TTLL3: variants seen among roughly 807,000 people sequenced by gnomAD.
TTLL3 encodes the protein tubulin monoglycylase TTLL3.
In TTLL3, 63 loss-of-function variants were observed where a neutral mutation model predicts 75.2. That is an observed-to-expected ratio of 0.84 (90% CI 0.68 to 1.03). TTLL3 has a LOEUF of 1.03. Among genes scored for constraint, TTLL3 ranks in the 50% least tolerant of loss-of-function variants. The pLI, the probability that TTLL3 is intolerant of heterozygous loss-of-function variation, is 0.00. For synonymous variants in TTLL3, 393 were observed against 418.5 expected (o/e 0.94, Z 0.74); for missense variants, 997 against 1,069.9 (o/e 0.93, Z 0.95).
chr3:9,811,276 C>G (rs1414789448), intron 2 of TTLL3, among the ~76,000 whole-genome samples: 1 of 152,158 alleles, frequency 6.6e-6, no homozygotes, highest in Admixed American at 6.5e-5. Flanking sequence ...TCATCTACAC[C>G]CAGAAAACTT....
rs1309001028 is a variant in TTLL3, at chr3:9,829,112, T to C, written c.1400T>C (p.Ile467Thr). The change falls in exon 11 of 14, where the codon ATC becomes ACC. Residue 467 changes from isoleucine to threonine, a missense_variant. Ile to Thr is a moderately conservative substitution (Grantham distance 89). Coordinates refer to ENST00000685419, the MANE Select transcript of TTLL3 (RefSeq NM_001387446.1). ...MGAPNAWSTI[I>T]VPGMKDAVIH... ...GCCCCAAATGCTTGGTCCACCATCA[T>C]CGTGCCTGGCATGAAGGATGCTGTG... The C allele has an allele frequency of 3.1e-6, 5 of 1,614,246 alleles. No individual in the cohort carries two copies. The highest frequency in any genetic ancestry group is 4.2e-6 in the Non-Finnish European group (5 of 1,180,050).
In TTLL3 at chr3:9,818,839, G is replaced by A. The variant is rs762688352; in HGVS notation, c.577G>A (p.Ala193Thr). The change falls in exon 7 of 14, where the codon GCT (alanine) becomes ACT (threonine). Residue 193 changes from alanine (A) to threonine (T), a missense_variant. Coordinates refer to ENST00000685419, the MANE Select transcript of TTLL3 (RefSeq NM_001387446.1). ...KAFIEDFWLT[A>T]ARNVLKLVVK... ...GGGAGCAGAGGACTTCTGGCTGACT[G>A]CTGCCCGCAACGTTCTCAAGCTGGT... The A allele has an allele frequency of 2.5e-6, 4 of 1,614,138 alleles. No homozygotes were observed. Among genetic ancestry groups the A allele is most frequent in the East Asian group, 2.2e-5 (1 of 44,874 alleles).
chr3:9,824,957 T>A (rs1277677956), intron 8 of TTLL3, among the ~76,000 whole-genome samples: 1 of 150,224 alleles, frequency 6.7e-6, no homozygotes, highest in Non-Finnish European at 1.5e-5. Flanking sequence ...GCCAGGCTGT[T>A]CTCGAACTCC....
intron 4 of TTLL3, among the ~76,000 whole-genome samples, chr3:9,814,254 T>C (rs1210799277): frequency 6.6e-6 from 1 of 152,162 alleles, no homozygotes; most frequent in Admixed American, 6.6e-5. Flanking sequence ...GAGAATCACT[T>C]GAACCCAGGA....
At chr3:9,823,021 G>A (rs1426433541) in intron 8 of TTLL3, among the ~76,000 whole-genome samples, 2 of 149,084 alleles carry the variant, frequency 1.3e-5, no homozygotes, top group Non-Finnish European at 3.0e-5. Context: ...CAAGGCTGGC[G>A]GATCATGAAG....
intron 9 of TTLL3, among the ~76,000 whole-genome samples, 166 bp from the exon 10 acceptor site, chr3:9,826,831 T>G (rs2081090881): frequency 6.6e-6 from 1 of 152,158 alleles, no homozygotes; most frequent in Non-Finnish European, 1.5e-5. Flanking sequence ...TTTAAAATCC[T>G]TAGCAAATTC....
intron 6 of TTLL3, chr3:9,818,542 GT>G: frequency 2.9e-6 from 2 of 689,282 alleles, no homozygotes; most frequent in African/African-American, 3.8e-5. Flanking sequence ...CTAATTTTTT[GT>G]ATTTTTAGTA....
At chr3:9,824,737 C>CTTTTTT (rs71052207) in intron 8 of TTLL3, among the ~76,000 whole-genome samples, 134 of 80,680 alleles carry the variant, frequency 1.7e-3, no homozygotes, top group Non-Finnish European at 2.2e-3. Flanking sequence ...CTTTTCTTTT[C>CTTTTTT]TTTTTTTTTT....
At chr3:9,820,084 C>T in intron 7 of TTLL3, 1 of 994,234 alleles carries the variant, frequency 1.0e-6, no homozygotes, top group Non-Finnish European at 1.2e-6. Context: ...GTTAGTGTTT[C>T]TGTGGGCTAA....
rs145004506 is a variant in TTLL3, at chr3:9,834,765, G to A, written c.1910G>A (p.Arg637Gln). Reference protein sequence around the residue: ...VLRHQGQVLRRQHSKLVGTKA... With the variant: ...VLRHQGQVLRQQHSKLVGTKA... Reference sequence around the variant, plus strand: ...CGACACCAGGGCCAGGTCCTCAGACGACAGCACAGCAAGCTGGTGGGCACT... The same window carrying A: ...CGACACCAGGGCCAGGTCCTCAGACAACAGCACAGCAAGCTGGTGGGCACT... Residue 637 changes from arginine to glutamine, a missense_variant, in exon 13 of 14, where the codon CGA becomes CAA. Arg to Gln is a conservative substitution (Grantham distance 43). Transcript: ENST00000685419. 102 of 1,614,192 alleles carry A rather than the reference G, an allele frequency of 6.3e-5. No homozygotes were observed. Among genetic ancestry groups the A allele is most frequent in the Non-Finnish European group, 8.1e-5 (96 of 1,180,038 alleles).
intron 12 of TTLL3, among the ~76,000 whole-genome samples, chr3:9,833,532 C>G (rs1324865712): frequency 6.6e-6 from 1 of 152,144 alleles, no homozygotes; most frequent in Non-Finnish European, 1.5e-5. Context: ...ACCCCCGGGC[C>G]CTGGGTAAGA....
In TTLL3 at chr3:9,815,219, C is replaced by T. The variant is rs142444285; in HGVS notation, c.316-855C>T. Among the ~76,000 whole-genome samples, 916 of 138,522 alleles carry T rather than the reference C, an allele frequency of 6.6e-3. 3 individuals carry two copies. The highest frequency in any genetic ancestry group is 0.011 in the Admixed American group (145 of 13,274). The allele number at this position is 138,522 out of a possible 152,430, so 90.9% of individuals were successfully genotyped here. A position where few individuals can be genotyped will look rare whatever the true frequency, so the allele number is the denominator to read the frequency against. On this transcript the variant is annotated intron_variant, in intron 4 of 13. Transcript: ENST00000685419. ...TCACGCCACTGCACTCCAGCCTGGG[C>T]GACAAGAGTCAGACTCCATCTCAAA...
Position 9,817,642 on chromosome 3 carries a change from T to C in TTLL3, c.445-3T>C, listed in dbSNP as rs768725191. 3 of 1,614,016 alleles carry C rather than the reference T, an allele frequency of 1.9e-6. No homozygotes were observed. Among genetic ancestry groups the C allele is most frequent in the Non-Finnish European group, 2.5e-6 (3 of 1,180,018 alleles). ...CCTGCCCTCTCAGTGGCTAACTCCG[T>C]AGGTGGGTCTATGTCTCAATCTCCG... On this transcript the variant is annotated splice_region_variant and splice_polypyrimidine_tract_variant and intron_variant, in intron 5 of 13. Transcript: ENST00000685419.
chr3:9,827,688 C>G (rs1027013818), intron 10 of TTLL3: 1 of 213,882 alleles, frequency 4.7e-6, no homozygotes, highest in African/African-American at 2.3e-5. Context: ...ATGCCTGGCC[C>G]CTCCAACAGA....
chr3:9,827,543 C>T (rs1208642077), intron 10 of TTLL3: 2 of 350,568 alleles, frequency 5.7e-6, no homozygotes, highest in African/African-American at 4.2e-5. Flanking sequence ...TCTGAGACCA[C>T]AGGCATGTAC....
At chr3:9,827,301 C>T (rs2081133049) in intron 10 of TTLL3, 61 bp downstream of exon 10, 2 of 1,591,126 alleles carry the variant, frequency 1.3e-6, no homozygotes, top group Non-Finnish European at 1.7e-6. Context: ...GGCAAGCAAA[C>T]AGGCGATTAC....
chr3:9,829,688 T>C (rs957113649), intron 11 of TTLL3, among the ~76,000 whole-genome samples: 8 of 152,162 alleles, frequency 5.3e-5, no homozygotes, highest in Non-Finnish European at 1.2e-4. Context: ...GGAATCTCCT[T>C]GGGTTCAAAT....
intron 2 of TTLL3, among the ~76,000 whole-genome samples, chr3:9,812,505 G>A (rs892019945): frequency 3.3e-5 from 5 of 150,874 alleles, no homozygotes; most frequent in African/African-American, 7.3e-5. Context: ...GCAAGACTCC[G>A]TCTCAAAAAA....
chr3:9,834,796 C>T lies in TTLL3; in HGVS notation c.1941C>T (p.Ala647=). 2 of 1,614,224 alleles carry T rather than the reference C, an allele frequency of 1.2e-6. No individual in the cohort carries two copies. The highest frequency in any genetic ancestry group is 1.1e-5 in the South Asian group (1 of 91,082). ...RQHSKLVGTK[A]LSTTGKALRT... is the part of the protein sequence containing the mutation. ...ACAGCAAGCTGGTGGGCACTAAGGC[C>T]CTGTCGACCACAGGCAAGGCCTTGA... The change falls in exon 13 of 14, where the codon GCC becomes GCT. Residue 647 remains alanine (A), a synonymous_variant. Transcript: ENST00000685419.
Sources: gnomAD v4.1 joint callset for allele counts (sites outside exome capture counted in the v4.1 genomes callset) on GRCh38, gnomAD v4.1.1 for gene constraint, MANE v1.5 for transcripts, NCBI Gene and HGNC (gene_info 2026-07-23, HGNC 2026-07-21) for gene names.